The following RASSF3 variants were observed in gnomAD, a reference collection of about 807,000 sequenced individuals.
RASSF3 encodes ras association domain-containing protein 3.
Under a neutral mutation model 19.9 loss-of-function variants are expected in RASSF3, and 19 were observed. The observed-to-expected ratio is 0.96, with a 90% CI of 0.67 to 1.40. The LOEUF (loss-of-function observed/expected upper bound fraction) is 1.40. RASSF3 is among the 40% of genes most tolerant of loss of function. The pLI is 0.00. For synonymous variants in RASSF3, 110 were observed against 104.2 expected (o/e 1.06, Z -0.34); for missense variants, 306 against 289.8 (o/e 1.06, Z -0.41).
chr12:64,678,078 G>A (rs1399182158), intron 1 of RASSF3, among the ~76,000 whole-genome samples: 1 of 152,152 alleles, frequency 6.6e-6, no homozygotes, highest in Non-Finnish European at 1.5e-5. Flanking sequence ...TTTATTTGAT[G>A]TCCTTATTAG....
chr12:64,650,729 T>C (rs1871923016), intron 1 of RASSF3, among the ~76,000 whole-genome samples: 2 of 152,172 alleles, frequency 1.3e-5, no homozygotes, highest in Non-Finnish European at 1.5e-5. Flanking sequence ...TGTTTATTTC[T>C]AAAGGATTTT....
chr12:64,638,753 A>T (rs1014709991), intron 1 of RASSF3, among the ~76,000 whole-genome samples: 54 of 152,082 alleles, frequency 3.6e-4, no homozygotes, highest in African/African-American at 1.3e-3. Flanking sequence ...TTATACTTTT[A>T]TTAAGGATGT....
chr12:64,577,206 G>A (rs182330806), intron 2 of RASSF3, among the ~76,000 whole-genome samples: 5 of 152,304 alleles, frequency 3.3e-5, no homozygotes, highest in East Asian at 3.9e-4. Flanking sequence ...TGCCCCATAA[G>A]GGTTGTGATG....
chr12:64,587,210 A>T (rs948466744), intron 2 of RASSF3, among the ~76,000 whole-genome samples: 1 of 151,570 alleles, frequency 6.6e-6, no homozygotes, highest in African/African-American at 2.4e-5. Flanking sequence ...ATGCACCACC[A>T]TGCCCGGCTA....
chr12:64,644,865 C>G (rs1871676530), intron 1 of RASSF3, among the ~76,000 whole-genome samples: 1 of 151,982 alleles, frequency 6.6e-6, no homozygotes, highest in Admixed American at 6.6e-5. Flanking sequence ...GTGAGAAGCC[C>G]TAACACATTT....
At chr12:64,670,931 C>T (rs1435437218) in intron 1 of RASSF3, among the ~76,000 whole-genome samples, 5 of 152,078 alleles carry the variant, frequency 3.3e-5, no homozygotes, top group Non-Finnish European at 5.9e-5. Flanking sequence ...TTGTGTCCTC[C>T]GGCAAAATAA....
chr12:64,564,254 T>TATAAA (rs1869392918), intron 2 of RASSF3, among the ~76,000 whole-genome samples: 2 of 152,248 alleles, frequency 1.3e-5, no homozygotes, highest in African/African-American at 4.8e-5. Flanking sequence ...AAAGAGAATC[T>TATAAA]TTATAAACAA....
chr12:64,559,524 C>A (rs1053129118), intron 2 of RASSF3, among the ~76,000 whole-genome samples: 2 of 152,172 alleles, frequency 1.3e-5, no homozygotes, highest in African/African-American at 4.8e-5. Flanking sequence ...CCACCTCGGC[C>A]TCCCAAAGTG....
rs182001233 is a variant in RASSF3 at position 64,631,664 on chromosome 12, C to T, written c.111+20921C>T. Among the ~76,000 whole-genome samples the T allele has an allele frequency of 4.4e-3, 666 of 152,126 alleles. 6 individuals are homozygous for T. The highest frequency in any genetic ancestry group is 0.015 in the African/African-American group (640 of 41,466). ...TCTGCTCACTGCAACCTCTGTCTCC[C>T]GGGTTCAAGATTCTCCTGCCTCAGC... On this transcript the variant is annotated intron_variant, in intron 1 of 4. Transcript: ENST00000542104.
At chr12:64,541,991 G>A (rs921472470), downstream of RASSF3, among the ~76,000 whole-genome samples, 4 of 152,162 alleles carry the variant, frequency 2.6e-5, 1 homozygote, top group African/African-American at 9.6e-5. Context: ...CCACATTCAG[G>A]ATGCAATCTT....
chr12:64,566,703 C>T (rs1238708717), intron 2 of RASSF3, among the ~76,000 whole-genome samples: 7 of 152,138 alleles, frequency 4.6e-5, no homozygotes, highest in African/African-American at 7.2e-5. Flanking sequence ...TAGCTAGAGA[C>T]GAAGCAACCA....
intron 2 of RASSF3, among the ~76,000 whole-genome samples, chr12:64,578,328 C>T (rs1317058724): frequency 3.3e-5 from 5 of 152,108 alleles, no homozygotes; most frequent in African/African-American, 9.7e-5. Context: ...CAACGACATC[C>T]CCAGGGAGGC....
intron 1 of RASSF3, among the ~76,000 whole-genome samples, chr12:64,659,992 G>GTATA: frequency 1.4e-5 from 2 of 138,744 alleles, no homozygotes; most frequent in Non-Finnish European, 1.6e-5. Flanking sequence ...GTATGTATGT[G>GTATA]TATATGTGTG....
chr12:64,693,189 C>T (rs186098481), intron 4 of RASSF3, among the ~76,000 whole-genome samples: 1 of 146,076 alleles, frequency 6.8e-6, no homozygotes, highest in East Asian at 2.0e-4. Context: ...AACTGTTCTC[C>T]AGGAATTCTT....
At chr12:64,615,082 A>C (rs927253862) in intron 1 of RASSF3, among the ~76,000 whole-genome samples, 1 of 152,182 alleles carries the variant, frequency 6.6e-6, no homozygotes, top group African/African-American at 2.4e-5. Flanking sequence ...GTATTTGTGG[A>C]TTCGCTGTGT....
At chr12:64,542,223 G>A (rs777805151), downstream of RASSF3, among the ~76,000 whole-genome samples, 1 of 152,130 alleles carries the variant, frequency 6.6e-6, no homozygotes, top group Non-Finnish European at 1.5e-5. Context: ...AGCCACTCAA[G>A]AGGCTGAGGC....
intron 1 of RASSF3, chr12:64,654,926 TA>T (rs1336886758): frequency 2.0e-5 from 3 of 152,190 alleles, no homozygotes; most frequent in Non-Finnish European, 2.9e-5. Flanking sequence ...AATTCACTGA[TA>T]AAGTTGACTT....
chr12:64,671,021 G>T (rs1257042882), intron 1 of RASSF3, among the ~76,000 whole-genome samples: 1 of 152,166 alleles, frequency 6.6e-6, no homozygotes, highest in Non-Finnish European at 1.5e-5. Context: ...TAAGAATTCA[G>T]AGGCAAGTTG....
chr12:64,610,861 G>A, intron 1 of RASSF3, 118 bp downstream of exon 1: 1 of 548,672 alleles, frequency 1.8e-6, no homozygotes, highest in Non-Finnish European at 3.1e-6. Context: ...TCGCCGGGAA[G>A]GAGGAGCGGG....
Sources: allele counts gnomAD v4.1 joint callset (sites outside exome capture counted in the v4.1 genomes callset), GRCh38; gene constraint gnomAD v4.1.1; transcripts MANE v1.5; gene names NCBI Gene and HGNC (gene_info 2026-07-23, HGNC 2026-07-21).